PDXK: variants seen among roughly 807,000 people sequenced by gnomAD.
PDXK encodes the protein epididymis secretory sperm binding protein Li 1a.
Under a neutral mutation model 43.2 loss-of-function variants are expected in PDXK, and 15 were observed. That is an observed-to-expected ratio of 0.35 (90% CI 0.23 to 0.53). The LOEUF (loss-of-function observed/expected upper bound fraction) is 0.53, where lower values mean the gene tolerates loss of function less well. Ranked by LOEUF, PDXK falls within the 20% of genes least tolerant of loss-of-function variation. The pLI is 0.92. For missense variants in PDXK, 343 were observed against 417.0 expected (o/e 0.82, Z 1.54); for synonymous variants, 172 against 165.4 (o/e 1.04, Z -0.31).
intron 3 of PDXK, among the ~76,000 whole-genome samples, chr21:43,742,353 G>A (rs2083551495): frequency 6.6e-6 from 1 of 152,020 alleles, no homozygotes; most frequent in Admixed American, 6.5e-5. Context: ...CTAACTTTTT[G>A]TGGGTGTGTG....
intron 1 of PDXK, chr21:43,733,487 T>G: frequency 9.7e-6 from 2 of 206,360 alleles, no homozygotes; most frequent in Non-Finnish European, 1.7e-5. Context: ...AGGCCCCCAC[T>G]CCGTGGATTC....
intron 7 of PDXK, among the ~76,000 whole-genome samples, chr21:43,750,863 CGTCTGTGTGCATGTGT>C (rs1374696758): frequency 1.3e-5 from 2 of 148,198 alleles, no homozygotes; most frequent in Admixed American, 6.7e-5. Context: ...TGTGCATGTG[CGTCTGTGTGCATGTGT>C]GTCCATGGGC....
intron 1 of PDXK, among the ~76,000 whole-genome samples, chr21:43,731,236 G>A (rs4819305): frequency 0.061 from 9,318 of 152,226 alleles, 560 homozygotes; most frequent in African/African-American, 0.16. Flanking sequence ...AGCAACAGTC[G>A]TTGAGTCCTT....
chr21:43,755,505 C>T (rs2083831798), intron 9 of PDXK, 193 bp from the exon 10 acceptor site: 1 of 607,226 alleles, frequency 1.6e-6, no homozygotes, highest in African/African-American at 1.8e-5. Context: ...CTGCTCAGCC[C>T]TCCGGGCTCT....
At chr21:43,736,996 G>A (rs1176134615) in intron 2 of PDXK, 5 of 704,066 alleles carry the variant, frequency 7.1e-6, no homozygotes, top group African/African-American at 1.7e-5. Flanking sequence ...GTGAAGTGGC[G>A]CAACCAGCTC....
At chr21:43,746,009 A>G in intron 4 of PDXK, 70 bp from the exon 5 acceptor site, 1 of 1,232,178 alleles carries the variant, frequency 8.1e-7, no homozygotes, top group Non-Finnish European at 1.2e-6. Flanking sequence ...AAAAAGAAGA[A>G]AGAAATGTGG....
chr21:43,732,452 A>G lies in PDXK; in HGVS notation c.88-1617A>G. 6.2e-7 allele frequency: 1 copy of G among 1,612,034 alleles called. No homozygotes were observed. The highest frequency in any genetic ancestry group is 8.5e-7 in the Non-Finnish European group (1 of 1,179,174). On this transcript the variant is annotated intron_variant, in intron 1 of 10. Transcript: ENST00000291565. The surrounding 1 kb of genome is among the most constrained non-coding windows in gnomAD (Gnocchi z 4.1). The stretch of plus-strand genomic sequence containing the variant: ...AGCTGATTTTGATGGGGTGTGTGAA[A>G]CGGAGATGCCAGCCCAGGGGCTCAG...
At chr21:43,747,557 C>G (rs1378273421) in intron 5 of PDXK, among the ~76,000 whole-genome samples, 1 of 152,232 alleles carries the variant, frequency 6.6e-6, no homozygotes, top group African/African-American at 2.4e-5. Context: ...TCCACTTTCT[C>G]CCATGCTTGT....
chr21:43,748,624 C>A (rs1490418215), intron 5 of PDXK, among the ~76,000 whole-genome samples: 1 of 152,240 alleles, frequency 6.6e-6, no homozygotes, highest in Non-Finnish European at 1.5e-5. Context: ...GCCAGCACCC[C>A]CAAGCCCTCA....
rs1342765304 is a variant in PDXK at position 43,736,814 on chromosome 21, A to T, written c.142+2691A>T. On this transcript the variant is annotated intron_variant, in intron 2 of 10. Coordinates refer to ENST00000291565, the MANE Select transcript of PDXK (RefSeq NM_003681.5). ...CACCGAGCTAATTTTGCTATTTTTC[A>T]TAGAGACGGAGTCTCACTATGTTGC... 1.6e-5 allele frequency: 10 copies of T among 636,014 alleles called. No homozygotes were observed. In the Admixed American group the frequency reaches 2.3e-4, roughly 15 times the overall value. The allele number at this position is 636,014 out of a possible 1,614,324, so 39.4% of individuals were successfully genotyped here.
intron 1 of PDXK, chr21:43,728,934 AT>A: frequency 1.0e-6 from 1 of 985,452 alleles, no homozygotes. Context: ...TGCTGGGATT[AT>A]TTTGACCCCC....
rs2147233293 is a variant in PDXK, at chr21:43,734,216, G to A, written c.142+93G>A. On this transcript the variant is annotated intron_variant, in intron 2 of 10. Transcript: ENST00000291565. This position sits in a 1 kb window ranked among gnomAD's most constrained non-coding sequence, Gnocchi z 5.0. ...GTGTGAGGGACGGGGCGGAGTGTGG[G>A]TGTGAGGGACGGGGCTTTCGTGTGG... 4 of 1,215,898 alleles carry A rather than the reference G, an allele frequency of 3.3e-6. No homozygotes were observed. The highest frequency in any genetic ancestry group is 4.8e-6 in the Non-Finnish European group (4 of 825,698). 75.3% of individuals were successfully genotyped at this position (1,215,898 alleles called of 1,614,324 possible).
chr21:43,725,056 G>A (rs2083240187), intron 1 of PDXK, among the ~76,000 whole-genome samples: 1 of 152,092 alleles, frequency 6.6e-6, no homozygotes, highest in African/African-American at 2.4e-5. Flanking sequence ...GGGTGCAGTG[G>A]CTCACGCCTG....
At position 43,741,644 on chromosome 21, in the gene PDXK, C is replaced by T. The variant is rs145306555; in HGVS notation, c.143-23C>T. ...CAGCTGGCCCCCTTGTGTCTGAGCC[C>T]CCATGGCTTCCTCTGCCTCTAGGCT... On this transcript the variant is annotated intron_variant, in intron 2 of 10. Coordinates refer to ENST00000291565, the MANE Select transcript of PDXK (RefSeq NM_003681.5). The T allele has an allele frequency of 4.9e-4, 782 of 1,604,942 alleles. 8 individuals are homozygous for T. In the East Asian group the frequency reaches 0.013, roughly 27 times the overall value.
chr21:43,736,579 C>T (rs935125940), intron 2 of PDXK, among the ~76,000 whole-genome samples: 13 of 151,916 alleles, frequency 8.6e-5, no homozygotes, highest in Non-Finnish European at 1.9e-4. Flanking sequence ...GATGATGCTG[C>T]CAGGGAGCTC....
Position 43,737,759 on chromosome 21 carries a change from A to G in PDXK, c.142+3636A>G, listed in dbSNP as rs932879121. 7.1e-6 allele frequency: 7 copies of G among 979,060 alleles called. No homozygotes were observed. Among genetic ancestry groups the G allele is most frequent in the Non-Finnish European group, 8.5e-6 (7 of 826,142 alleles). 60.6% of individuals were successfully genotyped at this position (979,060 alleles called of 1,614,324 possible). A position where few individuals can be genotyped will look rare whatever the true frequency, so the allele number is the denominator to read the frequency against. On this transcript the variant is annotated intron_variant, in intron 2 of 10. Coordinates refer to ENST00000291565, the MANE Select transcript of PDXK (RefSeq NM_003681.5). The surrounding 1 kb of genome is among the most constrained non-coding windows in gnomAD (Gnocchi z 4.8). The stretch of plus-strand genomic sequence containing the variant: ...CCAGCGAGGGGCCAGGCCGGGCCAG[A>G]CTCCCTGGCCGGCTGGGATCTGACA...
Position 43,740,814 on chromosome 21 carries a change from C to G in PDXK, c.143-853C>G, listed in dbSNP as rs747450256. ...CTCAGGAGTTGATCTAAGACAGGCT[C>G]TAATTGCACCTTAATAAGCTTGTTG... On this transcript the variant is annotated intron_variant, in intron 2 of 10. Coordinates refer to ENST00000291565, the MANE Select transcript of PDXK (RefSeq NM_003681.5). Among the ~76,000 whole-genome samples the G allele has an allele frequency of 1.3e-4, 19 of 151,656 alleles. 1 individual carries two copies. Among genetic ancestry groups the G allele is most frequent in the Non-Finnish European group, 2.4e-4 (16 of 67,832 alleles).
At chr21:43,738,949 T>TC (rs2083448955) in intron 2 of PDXK, 1 of 151,744 alleles carries the variant, frequency 6.6e-6, no homozygotes, top group Non-Finnish European at 1.5e-5. Flanking sequence ...TTTTTTTTTT[T>TC]TGGAGACGGA....
chr21:43,732,134 C>G lies in PDXK; in HGVS notation c.88-1935C>G. The G allele has an allele frequency of 2.2e-6, 3 of 1,356,806 alleles. No homozygotes were observed. Among genetic ancestry groups the G allele is most frequent in the Non-Finnish European group, 1.9e-6 (2 of 1,055,024 alleles). 84.0% of individuals were successfully genotyped at this position (1,356,806 alleles called of 1,614,324 possible). On this transcript the variant is annotated intron_variant, in intron 1 of 10. Transcript: ENST00000291565. This position sits in a 1 kb window ranked among gnomAD's most constrained non-coding sequence, Gnocchi z 4.1. ...ACTGCTGACAGAAGCCCATTCTCTT[C>G]GCAGGCTTCAGTTTCACATTCTTGG...
Sources: allele counts gnomAD v4.1 joint callset (sites outside exome capture counted in the v4.1 genomes callset), GRCh38; gene constraint gnomAD v4.1.1; non-coding constraint Gnocchi (gnomAD v3.1); transcripts MANE v1.5; gene names NCBI Gene and HGNC (gene_info 2026-07-23, HGNC 2026-07-21).